The following NDUFS4 variants were observed in gnomAD, a reference collection of about 807,000 sequenced individuals.
NDUFS4 encodes NADH:ubiquinone oxidoreductase subunit S4.
A neutral mutation model predicts 24.3 loss-of-function variants in NDUFS4; 28 were observed. The ratio of observed to expected loss-of-function variants is 1.15; its 90% CI spans 0.85 to 1.58. The LOEUF is 1.58. Ranked by LOEUF, NDUFS4 falls within the 40% of genes most tolerant of loss-of-function variation. NDUFS4 has a pLI of 0.00. For missense variants in NDUFS4, 223 were observed against 207.9 expected (o/e 1.07, Z -0.45); for synonymous variants, 93 against 69.7 (o/e 1.34, Z -1.67).
chr5:53,652,155 C>A (rs1021817093), intron 3 of NDUFS4, among the ~76,000 whole-genome samples: 1 of 152,086 alleles, frequency 6.6e-6, no homozygotes, highest in Non-Finnish European at 1.5e-5. Context: ...AGACATCTAA[C>A]CCTGCTGATG....
chr5:53,600,350 C>T (rs367963966), intron 1 of NDUFS4, among the ~76,000 whole-genome samples: 28 of 151,870 alleles, frequency 1.8e-4, no homozygotes, highest in African/African-American at 6.5e-4. Flanking sequence ...CACTTTGTTG[C>T]CCAGGCTGGA....
intron 3 of NDUFS4, among the ~76,000 whole-genome samples, chr5:53,654,786 A>G (rs1452827164): frequency 1.3e-5 from 2 of 152,210 alleles, no homozygotes; most frequent in East Asian, 1.9e-4. Context: ...TTATGCATGA[A>G]TAGTTCTCTT....
chr5:53,588,593 A>G (rs1749843851), intron 1 of NDUFS4, among the ~76,000 whole-genome samples: 4 of 152,200 alleles, frequency 2.6e-5, no homozygotes, highest in African/African-American at 7.2e-5. Context: ...AGTGAAAAAT[A>G]TATGAATGCT....
At chr5:53,619,823 TG>T (rs1750975569) in intron 2 of NDUFS4, among the ~76,000 whole-genome samples, 1 of 152,216 alleles carries the variant, frequency 6.6e-6, no homozygotes. Context: ...TATAAACGAA[TG>T]TATAATCTTT....
chr5:53,618,682 A>T (rs926675590), intron 2 of NDUFS4, among the ~76,000 whole-genome samples: 1 of 152,304 alleles, frequency 6.6e-6, no homozygotes, highest in South Asian at 2.1e-4. Context: ...GTGTATTGCT[A>T]TATAATTATC....
intron 4 of NDUFS4, among the ~76,000 whole-genome samples, chr5:53,667,486 CAA>C (rs34400470): frequency 0.098 from 13,316 of 135,858 alleles, 711 homozygotes; most frequent in Non-Finnish European, 0.14. Context: ...ACTCTGTCTC[CAA>C]AAAAAAAAAA....
intron 2 of NDUFS4, among the ~76,000 whole-genome samples, chr5:53,604,136 A>G (rs552363598): frequency 1.3e-5 from 2 of 152,330 alleles, no homozygotes; most frequent in Admixed American, 1.3e-4. Context: ...GTTACTTTAC[A>G]TGCAACTTTA....
chr5:53,594,363 G>A (rs1440318692), intron 1 of NDUFS4, among the ~76,000 whole-genome samples: 1 of 152,024 alleles, frequency 6.6e-6, no homozygotes, highest in Non-Finnish European at 1.5e-5. Context: ...AGCAAGATTT[G>A]ACTAGTGTTA....
intron 2 of NDUFS4, among the ~76,000 whole-genome samples, chr5:53,631,760 C>G (rs1301894051): frequency 6.6e-6 from 1 of 152,220 alleles, no homozygotes; most frequent in Non-Finnish European, 1.5e-5. Flanking sequence ...CGATCTCAGA[C>G]TGCTGCGCTA....
At chr5:53,669,194 AT>A (rs1210938046) in intron 4 of NDUFS4, among the ~76,000 whole-genome samples, 2 of 152,150 alleles carry the variant, frequency 1.3e-5, no homozygotes, top group Admixed American at 1.3e-4. Context: ...ATACTATGAC[AT>A]TTGTGTAAGT....
At chr5:53,653,593 C>T (rs1752081440) in intron 3 of NDUFS4, among the ~76,000 whole-genome samples, 1 of 151,996 alleles carries the variant, frequency 6.6e-6, no homozygotes, top group Non-Finnish European at 1.5e-5. Flanking sequence ...CCATATATAA[C>T]ATATAAGCGA....
intron 2 of NDUFS4, among the ~76,000 whole-genome samples, chr5:53,643,986 ATAGCT>A (rs534452535): frequency 1.0e-3 from 156 of 152,260 alleles, no homozygotes; most frequent in African/African-American, 3.6e-3. Context: ...CAAAATATAA[ATAGCT>A]TAGCAACATT....
intron 4 of NDUFS4, among the ~76,000 whole-genome samples, chr5:53,668,236 T>C (rs1023406502): frequency 2.0e-5 from 3 of 152,192 alleles, no homozygotes; most frequent in Non-Finnish European, 4.4e-5. Flanking sequence ...TTGTTATCAA[T>C]TGTATTTGAG....
intron 1 of NDUFS4, among the ~76,000 whole-genome samples, chr5:53,564,139 T>C (rs768184358): frequency 1.3e-5 from 2 of 152,212 alleles, no homozygotes; most frequent in African/African-American, 4.8e-5. Context: ...TGTGGCTTTA[T>C]TCTGTTGCTG....
intron 2 of NDUFS4, among the ~76,000 whole-genome samples, chr5:53,611,216 T>C (rs1750685332): frequency 6.6e-6 from 1 of 151,870 alleles, no homozygotes; most frequent in Non-Finnish European, 1.5e-5. Flanking sequence ...TTTTTTTTTT[T>C]TTCTGGGCAT....
intron 2 of NDUFS4, among the ~76,000 whole-genome samples, chr5:53,636,075 G>A (rs762988978): frequency 6.6e-6 from 1 of 152,110 alleles, no homozygotes; most frequent in Non-Finnish European, 1.5e-5. Flanking sequence ...AAAGAGATGG[G>A]GTCTCACTGT....
At chr5:53,561,647 A>G (rs894229339) in intron 1 of NDUFS4, among the ~76,000 whole-genome samples, 4 of 152,112 alleles carry the variant, frequency 2.6e-5, no homozygotes, top group South Asian at 4.1e-4. Flanking sequence ...GACTGGATGG[A>G]GAGATTTGAA....
At chr5:53,617,418 A>ACCCTT (rs1750875281) in intron 2 of NDUFS4, among the ~76,000 whole-genome samples, 1 of 150,846 alleles carries the variant, frequency 6.6e-6, no homozygotes, top group Non-Finnish European at 1.5e-5. Context: ...TCCTGATACC[A>ACCCTT]CCTTATTCCC....
chr5:53,644,809 C>G (rs916596869), intron 2 of NDUFS4, among the ~76,000 whole-genome samples: 1 of 152,042 alleles, frequency 6.6e-6, no homozygotes, highest in Non-Finnish European at 1.5e-5. Context: ...ACAAAGTAGC[C>G]ACACCTAATT....
Sources: allele counts gnomAD v4.1 joint callset (sites outside exome capture counted in the v4.1 genomes callset), GRCh38; gene constraint gnomAD v4.1.1; transcripts MANE v1.5; gene names NCBI Gene and HGNC (gene_info 2026-07-23, HGNC 2026-07-21).